Variants in JAZF1 observed in about 807,000 individuals in gnomAD.
JAZF1 encodes the protein juxtaposed with another zinc finger protein 1.
A neutral mutation model predicts 26.4 loss-of-function variants in JAZF1; 8 were observed. The ratio of observed to expected loss-of-function variants is 0.30; its 90% CI spans 0.18 to 0.55. The LOEUF (loss-of-function observed/expected upper bound fraction) is 0.55. JAZF1 is among the 20% of genes least tolerant of loss of function. The pLI, the probability that JAZF1 is intolerant of heterozygous loss-of-function variation, is 0.94. For missense variants in JAZF1, 199 were observed against 322.0 expected, an observed-to-expected ratio of 0.62 and a Z score of 2.92; for synonymous variants, 126 against 122.3, an observed-to-expected ratio of 1.03 and a Z score of -0.20.
intron 3 of JAZF1, among the ~76,000 whole-genome samples, chr7:27,862,698 C>G (rs535948084): frequency 2.0e-4 from 31 of 152,332 alleles, no homozygotes; most frequent in African/African-American, 7.5e-4. Flanking sequence ...TCAGTGACCT[C>G]TTTTCCACTT....
chr7:28,126,825 G>C (rs779163493), intron 1 of JAZF1, among the ~76,000 whole-genome samples: 5 of 152,110 alleles, frequency 3.3e-5, no homozygotes, highest in Non-Finnish European at 7.4e-5. Context: ...AGGGAGGAGA[G>C]AGGAAGAGAA....
At chr7:27,986,812 T>C (rs1037654388) in intron 2 of JAZF1, among the ~76,000 whole-genome samples, 74 of 151,242 alleles carry the variant, frequency 4.9e-4, no homozygotes, top group Non-Finnish European at 7.7e-4. Flanking sequence ...CGCGCTGCCA[T>C]GCCTGACTGG....
intron 2 of JAZF1, among the ~76,000 whole-genome samples, chr7:27,984,903 A>G (rs1365263694): frequency 6.6e-6 from 1 of 152,244 alleles, no homozygotes; most frequent in Admixed American, 6.5e-5. Context: ...CTTTGAAACC[A>G]ATGAGAACAA....
intron 1 of JAZF1, among the ~76,000 whole-genome samples, chr7:28,080,455 C>A (rs1478873348): frequency 1.3e-5 from 2 of 152,232 alleles, no homozygotes; most frequent in African/African-American, 4.8e-5. Flanking sequence ...CTTGCATTCA[C>A]AACTTGGCTA....
intron 1 of JAZF1, among the ~76,000 whole-genome samples, chr7:28,143,502 G>C (rs376545263): frequency 5.9e-5 from 9 of 152,066 alleles, no homozygotes; most frequent in African/African-American, 2.2e-4. Flanking sequence ...TTCCATGCAG[G>C]TACACAACCT....
At chr7:28,024,419 A>G (rs73683938) in intron 1 of JAZF1, among the ~76,000 whole-genome samples, 2,533 of 152,306 alleles carry the variant, frequency 0.017, 62 homozygotes, top group African/African-American at 0.055. Flanking sequence ...GGCTGGGTCC[A>G]AGGGTGGAGA....
intron 1 of JAZF1, among the ~76,000 whole-genome samples, chr7:28,021,891 C>T (rs1156875116): frequency 6.6e-6 from 1 of 152,238 alleles, no homozygotes; most frequent in Non-Finnish European, 1.5e-5. Context: ...TGCTGGGTCA[C>T]TTTCAGCAAA....
At chr7:27,981,574 A>G (rs38507) in intron 2 of JAZF1, among the ~76,000 whole-genome samples, 126,119 of 152,184 alleles carry the variant, frequency 0.83, 52,996 homozygotes, top group African/African-American at 0.96. Context: ...TACAGCTCTC[A>G]ATTAAAAAAT....
At chr7:27,930,673 G>C (rs1397154162) in intron 2 of JAZF1, among the ~76,000 whole-genome samples, 1 of 152,092 alleles carries the variant, frequency 6.6e-6, no homozygotes, top group African/African-American at 2.4e-5. Context: ...GTTATTTTTA[G>C]ACACTTTCAT....
chr7:28,025,731 T>G (rs1301177076), intron 1 of JAZF1, among the ~76,000 whole-genome samples: 1 of 152,220 alleles, frequency 6.6e-6, no homozygotes, highest in Non-Finnish European at 1.5e-5. Flanking sequence ...CTTGTCAATA[T>G]GGCCCTTGCA....
intron 3 of JAZF1, among the ~76,000 whole-genome samples, chr7:27,868,738 C>T (rs1342188243): frequency 6.6e-6 from 1 of 152,210 alleles, no homozygotes; most frequent in Non-Finnish European, 1.5e-5. Flanking sequence ...AACATTTAAA[C>T]CCTGTTTGTG....
At chr7:28,088,096 G>A (rs115943305) in intron 1 of JAZF1, among the ~76,000 whole-genome samples, 4,049 of 152,202 alleles carry the variant, frequency 0.027, 176 homozygotes, top group African/African-American at 0.093. Flanking sequence ...GAAACAGCCT[G>A]AAAACCAGGG....
intron 1 of JAZF1, among the ~76,000 whole-genome samples, chr7:27,998,074 GC>G (rs1786058537): frequency 6.8e-6 from 1 of 148,002 alleles, no homozygotes; most frequent in South Asian, 2.1e-4. Context: ...AGGAAGGAAG[GC>G]AGGCAGGCAG....
intron 1 of JAZF1, among the ~76,000 whole-genome samples, chr7:28,117,283 A>G (rs1171922629): frequency 6.6e-6 from 1 of 152,130 alleles, no homozygotes; most frequent in Non-Finnish European, 1.5e-5. Context: ...TCACGGTTAA[A>G]AAGTCCTTCT....
chr7:28,170,859 C>G (rs1032782581), intron 1 of JAZF1, among the ~76,000 whole-genome samples: 1 of 152,180 alleles, frequency 6.6e-6, no homozygotes, highest in African/African-American at 2.4e-5. Flanking sequence ...GCAGCAAAGC[C>G]GGCCCTGGCT....
intron 1 of JAZF1, among the ~76,000 whole-genome samples, chr7:28,167,236 C>T (rs1783383806): frequency 6.6e-6 from 1 of 152,184 alleles, no homozygotes; most frequent in Non-Finnish European, 1.5e-5. Flanking sequence ...ATAACCGCTT[C>T]ACAGTAAAAC....
At chr7:28,003,964 G>A (rs1782653348) in intron 1 of JAZF1, among the ~76,000 whole-genome samples, 1 of 152,088 alleles carries the variant, frequency 6.6e-6, no homozygotes, top group East Asian at 1.9e-4. Flanking sequence ...TATACGTCAA[G>A]TATTGGGTGC....
intron 1 of JAZF1, among the ~76,000 whole-genome samples, chr7:28,177,707 T>A (rs1562613926): frequency 6.6e-6 from 1 of 152,202 alleles, no homozygotes; most frequent in African/African-American, 2.4e-5. Context: ...CCAACAGACA[T>A]GAAATCAGTA....
At chr7:27,958,807 C>G (rs1005906785) in intron 2 of JAZF1, among the ~76,000 whole-genome samples, 7 of 152,126 alleles carry the variant, frequency 4.6e-5, no homozygotes, top group Non-Finnish European at 8.8e-5. Context: ...AGTCAGGGCT[C>G]CTTACAAAGA....
Sources: gnomAD v4.1 joint callset for allele counts (sites outside exome capture counted in the v4.1 genomes callset) on GRCh38, gnomAD v4.1.1 for gene constraint, MANE v1.5 for transcripts, NCBI Gene and HGNC (gene_info 2026-07-23, HGNC 2026-07-21) for gene names.